Variants in ZBTB8B observed in about 807,000 individuals in gnomAD.
ZBTB8B encodes the protein zinc finger and BTB domain-containing protein 8B.
Under a neutral mutation model 30.3 loss-of-function variants are expected in ZBTB8B, and 17 were observed. The ratio of observed to expected loss-of-function variants is 0.56; its 90% CI spans 0.38 to 0.84. The LOEUF (loss-of-function observed/expected upper bound fraction) is 0.84, where lower values mean the gene tolerates loss of function less well. ZBTB8B is among the 40% of genes least tolerant of loss of function. ZBTB8B has a pLI of 0.00. For synonymous variants in ZBTB8B, 248 were observed against 255.6 expected (o/e 0.97, Z 0.28); for missense variants, 515 against 644.9 (o/e 0.80, Z 2.18).
In ZBTB8B at chr1:32,471,114, G is replaced by T. The variant is rs1184193495; in HGVS notation, c.490G>T (p.Gly164Cys). The T allele has an allele frequency of 6.4e-7, 1 of 1,551,614 alleles. No homozygotes were observed. ...GGTTGACAGTGAAAGCCCCAGTTCA[G>T]GCCGGGAGGGGACCTCCTGTGGTAC... is the stretch of plus-strand genomic sequence containing the variant. ...HQVDSESPSSGREGTSCGTKS... is the reference protein window; with the variant it reads ...HQVDSESPSSCREGTSCGTKS... The change falls in exon 2 of 4, where the codon GGC becomes TGC. Residue 164 changes from glycine (G) to cysteine (C), a missense_variant. By Grantham distance (159) the Gly-to-Cys change is radical (BLOSUM62 -3). Coordinates refer to ENST00000609129, the MANE Select transcript of ZBTB8B (RefSeq NM_001145720.2).
Position 32,494,696 on chromosome 1 carries a change from CTG to C in ZBTB8B, c.*9282_*9283del, listed in dbSNP as rs1360345166. On this transcript the variant is annotated 3_prime_UTR_variant, in exon 4 of 4. Coordinates refer to ENST00000609129, the MANE Select transcript of ZBTB8B (RefSeq NM_001145720.2). The stretch of plus-strand genomic sequence containing the variant: ...ATTTATTGTCCACTTAATATGTGTT[CTG>C]TGTTTGATTGTAATGTATTCATTTT... The C allele has an allele frequency of 1.3e-5, 2 of 152,112 alleles. No individual in the cohort carries two copies. The highest frequency in any genetic ancestry group is 2.9e-5 in the Non-Finnish European group (2 of 68,008). 9.4% of individuals were successfully genotyped at this position (152,112 alleles called of 1,614,324 possible).
At position 32,496,080 on chromosome 1, in the gene ZBTB8B, T is replaced by C. The variant is rs562633266; in HGVS notation, c.*10662T>C. 6.6e-6 allele frequency: 1 copy of C among 152,276 alleles called. No individual in the cohort carries two copies. The highest frequency in any genetic ancestry group is 6.5e-5 in the Admixed American group (1 of 15,290). The allele number at this position is 152,276 out of a possible 1,614,324, so 9.4% of individuals were successfully genotyped here. A position where few individuals can be genotyped will look rare whatever the true frequency, so the allele number is the denominator to read the frequency against. On this transcript the variant is annotated 3_prime_UTR_variant, in exon 4 of 4. Coordinates refer to ENST00000609129, the MANE Select transcript of ZBTB8B (RefSeq NM_001145720.2). The stretch of plus-strand genomic sequence containing the variant: ...TAACCCCACAAAATAAAGAGAACTA[T>C]TAGAGCTCTAAACAGAAGAAGCTTC...
rs1364241711 is a variant in ZBTB8B, at chr1:32,485,694, T to C, written c.*276T>C. On this transcript the variant is annotated 3_prime_UTR_variant, in exon 4 of 4. Transcript: ENST00000609129. ...AGGCCCTGAGGTCTCCTGTTTTTCT[T>C]GCTGTGTGTCCAAACTCTGGTTAGG... 5.0e-6 allele frequency: 2 copies of C among 403,878 alleles called. No homozygotes were observed. Among genetic ancestry groups the C allele is most frequent in the African/African-American group, 4.0e-5 (2 of 49,486 alleles). 25.0% of individuals were successfully genotyped at this position (403,878 alleles called of 1,614,324 possible). A position where few individuals can be genotyped will look rare whatever the true frequency, so the allele number is the denominator to read the frequency against.
Position 32,470,970 on chromosome 1 carries a change from A to C in ZBTB8B, c.346A>C (p.Thr116Pro). 1 of 1,552,288 alleles carries C rather than the reference A, an allele frequency of 6.4e-7. No homozygotes were observed. The highest frequency in any genetic ancestry group is 8.7e-7 in the Non-Finnish European group (1 of 1,147,126). ...QMNDVVNFCKTYIRSSLDICR... is the reference protein window; with the variant it reads ...QMNDVVNFCKPYIRSSLDICR... ...GAATGACGTGGTGAACTTCTGCAAG[A>C]CATACATTAGGTCATCCCTCGACAT... is the stretch of plus-strand genomic sequence containing the variant. The change falls in exon 2 of 4, where the codon ACA becomes CCA. Residue 116 changes from threonine (T) to proline (P), a missense_variant. Around this residue, in one of 3 missense-constraint regions of ZBTB8B, gnomAD observed 429 missense variants for 504.3 expected, o/e 0.85. Transcript: ENST00000609129.
Position 32,485,484 on chromosome 1 carries a change from C to G in ZBTB8B, c.*66C>G, listed in dbSNP as rs1643738825. On this transcript the variant is annotated 3_prime_UTR_variant, in exon 4 of 4. Coordinates refer to ENST00000609129, the MANE Select transcript of ZBTB8B (RefSeq NM_001145720.2). Reference sequence around the variant, plus strand: ...GTGCTCGTTCTGTTGTTGAAAGATACCATTTGTCCAATTTTGTGGAACCCT... The same window carrying G: ...GTGCTCGTTCTGTTGTTGAAAGATAGCATTTGTCCAATTTTGTGGAACCCT... The G allele has an allele frequency of 6.8e-7, 1 of 1,460,048 alleles. No individual in the cohort carries two copies. Among genetic ancestry groups the G allele is most frequent in the South Asian group, 1.3e-5 (1 of 74,372 alleles). The allele number at this position is 1,460,048 out of a possible 1,614,324, so 90.4% of individuals were successfully genotyped here. A position where few individuals can be genotyped will look rare whatever the true frequency, so the allele number is the denominator to read the frequency against.
In ZBTB8B at chr1:32,485,581, G is replaced by A. The variant is rs1643739596; in HGVS notation, c.*163G>A. ...CTATCTGATAGAGGTTGGATTTTGT[G>A]ACTCAAAGGACAGATAACCTTTTTG... On this transcript the variant is annotated 3_prime_UTR_variant, in exon 4 of 4. Coordinates refer to ENST00000609129, the MANE Select transcript of ZBTB8B (RefSeq NM_001145720.2). 1 of 740,872 alleles carries A rather than the reference G, an allele frequency of 1.3e-6. No homozygotes were observed. The highest frequency in any genetic ancestry group is 2.1e-6 in the Non-Finnish European group (1 of 466,526). 45.9% of individuals were successfully genotyped at this position (740,872 alleles called of 1,614,324 possible). A position where few individuals can be genotyped will look rare whatever the true frequency, so the allele number is the denominator to read the frequency against.
intron 1 of ZBTB8B, among the ~76,000 whole-genome samples, chr1:32,468,817 C>T (rs561472577): frequency 9.3e-5 from 14 of 150,894 alleles, no homozygotes; most frequent in South Asian, 4.2e-4. Flanking sequence ...GCCGAGATCG[C>T]GCCATTGCAC....
rs563085492 is a variant in ZBTB8B, at chr1:32,471,693, T to C, written c.991+78T>C. 5 of 1,437,736 alleles carry C rather than the reference T, an allele frequency of 3.5e-6. 1 individual carries two copies. Among genetic ancestry groups the C allele is most frequent in the Middle Eastern group, 3.9e-4 (2 of 5,140 alleles). The allele number at this position is 1,437,736 out of a possible 1,614,324, so 89.1% of individuals were successfully genotyped here. On this transcript the variant is annotated intron_variant, in intron 2 of 3. Coordinates refer to ENST00000609129, the MANE Select transcript of ZBTB8B (RefSeq NM_001145720.2). ...TGTGCCTTGTGTTCTCCCATCATCA[T>C]GATCATTATCACCATCATCATTGTC...
chr1:32,470,798 G>A lies in ZBTB8B; in HGVS notation c.174G>A (p.Gln58=). 7.1e-6 allele frequency: 11 copies of A among 1,551,812 alleles called. No homozygotes were observed. Among genetic ancestry groups the A allele is most frequent in the Non-Finnish European group, 9.6e-6 (11 of 1,147,024 alleles). Reference sequence around the variant, plus strand: ...GAGCCCTGCTCATTCACTATATCCAGGACAGCGGGCGGCATAGCACCGCCT... The same window carrying A: ...GAGCCCTGCTCATTCACTATATCCAAGACAGCGGGCGGCATAGCACCGCCT... The part of the protein sequence containing the change: ...YFRALLIHYI[Q]DSGRHSTASL... The change falls in exon 2 of 4, where the codon CAG becomes CAA. Residue 58 remains glutamine, a synonymous_variant. Coordinates refer to ENST00000609129, the MANE Select transcript of ZBTB8B (RefSeq NM_001145720.2).
Position 32,481,709 on chromosome 1 carries a change from T to C in ZBTB8B, c.1170+640T>C, listed in dbSNP as rs372033460. Among the ~76,000 whole-genome samples, 61 of 152,252 alleles carry C rather than the reference T, an allele frequency of 4.0e-4. 2 individuals carry two copies. In the South Asian group the frequency reaches 0.012, roughly 31 times the overall value. ...GTAAACTCATGTCACAGGGGTTTGT[T>C]GTACAGATTATTTCATCACCCAGGA... On this transcript the variant is annotated intron_variant, in intron 3 of 3. Transcript: ENST00000609129.
chr1:32,471,322 T>C lies in ZBTB8B; in HGVS notation c.698T>C (p.Phe233Ser). The C allele has an allele frequency of 1.3e-6, 2 of 1,551,762 alleles. No individual in the cohort carries two copies. The highest frequency in any genetic ancestry group is 8.7e-7 in the Non-Finnish European group (1 of 1,146,992). ...AAACGGATAGAGCCCAAGGTGGAAT[T>C]TGATGCTGATGAAGTGGAGGTGGAC... Reference protein sequence around the residue: ...PPKRIEPKVEFDADEVEVDVG... With the variant: ...PPKRIEPKVESDADEVEVDVG... The change falls in exon 2 of 4, where the codon TTT (phenylalanine) becomes TCT (serine). Residue 233 changes from phenylalanine (F) to serine (S), a missense_variant. Physicochemically the swap from Phe to Ser is radical, Grantham distance 155 (BLOSUM62 -2). Coordinates refer to ENST00000609129, the MANE Select transcript of ZBTB8B (RefSeq NM_001145720.2).
rs1166242621 is a variant in ZBTB8B, at chr1:32,481,087, C to T, written c.1170+18C>T. 6.5e-7 allele frequency: 1 copy of T among 1,534,202 alleles called. No individual in the cohort carries two copies. Among genetic ancestry groups the T allele is most frequent in the Non-Finnish European group, 8.8e-7 (1 of 1,135,706 alleles). On this transcript the variant is annotated intron_variant, in intron 3 of 3. Coordinates refer to ENST00000609129, the MANE Select transcript of ZBTB8B (RefSeq NM_001145720.2). ...CACTGAGTGTAAGTGTTCGAGCTGG[C>T]CATGCCCTTGTGGCAAGAGCTATTC...
At chr1:32,470,525 A>AAAT in intron 1 of ZBTB8B, 59 bp from the exon 2 acceptor site, 27 of 1,132,172 alleles carry the variant, frequency 2.4e-5, no homozygotes, top group African/African-American at 3.2e-5. Flanking sequence ...AAAAAAAAAA[A>AAAT]AGAAATCTTG....
At position 32,491,530 on chromosome 1, in the gene ZBTB8B, T is replaced by C. The variant is rs891232898; in HGVS notation, c.*6112T>C. ...TCTTCTCTGAAAGTCTCTGCAGCTG[T>C]CTGTGTGGCATAGTGCAGGTGCAAG... On this transcript the variant is annotated 3_prime_UTR_variant, in exon 4 of 4. Transcript: ENST00000609129. The C allele has an allele frequency of 5.9e-5, 9 of 152,220 alleles. No individual in the cohort carries two copies. Among genetic ancestry groups the C allele is most frequent in the African/African-American group, 1.7e-4 (7 of 41,458 alleles). 9.4% of individuals were successfully genotyped at this position (152,220 alleles called of 1,614,324 possible).
Position 32,495,552 on chromosome 1 carries a change from G to A in ZBTB8B, c.*10134G>A, listed in dbSNP as rs911599551. 2.6e-5 allele frequency: 4 copies of A among 152,096 alleles called. No homozygotes were observed. Among genetic ancestry groups the A allele is most frequent in the Non-Finnish European group, 5.9e-5 (4 of 68,012 alleles). 9.4% of individuals were successfully genotyped at this position (152,096 alleles called of 1,614,324 possible). ...CACCCTAGTTACAAGTTTAGAATAG[G>A]AGTGGCCTCAACAAAGGAAAAAGTC... On this transcript the variant is annotated 3_prime_UTR_variant, in exon 4 of 4. Transcript: ENST00000609129.
chr1:32,473,913 C>T (rs748536658), intron 2 of ZBTB8B, among the ~76,000 whole-genome samples: 252 of 151,944 alleles, frequency 1.7e-3, no homozygotes, highest in Non-Finnish European at 2.7e-3. Context: ...TGCAGTGGTG[C>T]GATCTCAGCT....
chr1:32,495,404 T>C lies in ZBTB8B; in HGVS notation c.*9986T>C, dbSNP rs553067592. 1.1e-4 allele frequency: 17 copies of C among 152,302 alleles called. No homozygotes were observed. Among genetic ancestry groups the C allele is most frequent in the African/African-American group, 4.1e-4 (17 of 41,574 alleles). 9.4% of individuals were successfully genotyped at this position (152,302 alleles called of 1,614,324 possible). A position where few individuals can be genotyped will look rare whatever the true frequency, so the allele number is the denominator to read the frequency against. On this transcript the variant is annotated 3_prime_UTR_variant, in exon 4 of 4. Coordinates refer to ENST00000609129, the MANE Select transcript of ZBTB8B (RefSeq NM_001145720.2). Reference sequence around the variant, plus strand: ...ATGAAATATTTATCTAGTTTGGGATTAAAATTAACTTAGGGCCATCAAAAA... The same window carrying C: ...ATGAAATATTTATCTAGTTTGGGATCAAAATTAACTTAGGGCCATCAAAAA...
intron 2 of ZBTB8B, among the ~76,000 whole-genome samples, chr1:32,476,823 G>A (rs531384769): frequency 6.6e-6 from 1 of 152,102 alleles, no homozygotes; most frequent in African/African-American, 2.4e-5. Flanking sequence ...CTGCTTACAG[G>A]TAAAGTCCAA....
At position 32,485,323 on chromosome 1, in the gene ZBTB8B, G is replaced by A; in HGVS notation, c.1393G>A (p.Val465Met). The change falls in exon 4 of 4, where the codon GTG becomes ATG. Residue 465 changes from valine to methionine, a missense_variant. This residue lies in a region of ZBTB8B where 429 missense variants were observed against 504.3 expected (regional missense o/e 0.85). Coordinates refer to ENST00000609129, the MANE Select transcript of ZBTB8B (RefSeq NM_001145720.2). ...SDTDNDWPIY[V>M]ESGEENDPAG... ...CACAGACAATGACTGGCCAATCTAT[G>A]TGGAGTCGGGTGAGGAAAATGACCC... The A allele has an allele frequency of 6.4e-7, 1 of 1,552,316 alleles. No homozygotes were observed. Among genetic ancestry groups the A allele is most frequent in the Non-Finnish European group, 8.7e-7 (1 of 1,147,136 alleles).
Sources: gnomAD v4.1 joint callset for allele counts (sites outside exome capture counted in the v4.1 genomes callset) on GRCh38, gnomAD v4.1.1 for gene constraint, gnomAD v4.1.1 regional missense constraint, MANE v1.5 for transcripts, NCBI Gene and HGNC (gene_info 2026-07-23, HGNC 2026-07-21) for gene names.